Variants in ACVR1C observed in about 807,000 individuals in gnomAD.
ACVR1C encodes activin A receptor type 1C.
In ACVR1C, 23 loss-of-function variants were observed where a neutral mutation model predicts 57.9. The observed-to-expected ratio is 0.40, with a 90% CI of 0.29 to 0.56. The LOEUF (loss-of-function observed/expected upper bound fraction) is 0.56, where lower values mean the gene tolerates loss of function less well. Among genes scored for constraint, ACVR1C ranks in the 20% least tolerant of loss-of-function variants. ACVR1C has a pLI of 0.50. For synonymous variants in ACVR1C, 214 were observed against 215.3 expected (o/e 0.99, Z 0.05); for missense variants, 480 against 607.9 (o/e 0.79, Z 2.21).
At chr2:157,606,500 G>A (rs914391735) in intron 1 of ACVR1C, among the ~76,000 whole-genome samples, 1 of 151,810 alleles carries the variant, frequency 6.6e-6, no homozygotes, top group African/African-American at 2.4e-5. Context: ...CTTTCTAACT[G>A]GGATGAGATG....
rs1327256765 is a variant in ACVR1C at position 157,576,879 on chromosome 2, G to A, written c.304+10308C>T. ...TTTTTTTTTTTTGAGACGGAGTCTCGCTCTGTCGCCCAGGCCGGACTGCGG... is the reference window on the plus strand; with the variant it reads ...TTTTTTTTTTTTGAGACGGAGTCTCACTCTGTCGCCCAGGCCGGACTGCGG... On this transcript the variant is annotated intron_variant, in intron 2 of 8. Transcript: ENST00000243349. Among the ~76,000 whole-genome samples the A allele has an allele frequency of 6.7e-5, 2 of 29,736 alleles. 1 individual carries two copies. Among genetic ancestry groups the A allele is most frequent in the Non-Finnish European group, 1.2e-4 (2 of 16,586 alleles). 19.5% of individuals were successfully genotyped at this position (29,736 alleles called of 152,430 possible).
At chr2:157,541,672 C>G (rs1479013888) in intron 6 of ACVR1C, among the ~76,000 whole-genome samples, 1 of 152,116 alleles carries the variant, frequency 6.6e-6, no homozygotes. Flanking sequence ...TAAGGCTTTT[C>G]TTGTATAGGG....
At chr2:157,560,017 TTTTAA>T (rs974893122) in intron 2 of ACVR1C, among the ~76,000 whole-genome samples, 1 of 150,676 alleles carries the variant, frequency 6.6e-6, no homozygotes, top group Non-Finnish European at 1.5e-5. Flanking sequence ...AGGAAGGAAA[TTTTAA>T]TTTATCTTTG....
At chr2:157,616,496 T>C (rs58288813) in intron 1 of ACVR1C, among the ~76,000 whole-genome samples, 9,823 of 152,220 alleles carry the variant, frequency 0.065, 489 homozygotes, top group East Asian at 0.24. Context: ...TCATAGTTAT[T>C]TTAAATTCCT....
In ACVR1C at chr2:157,587,356, T is replaced by C; in HGVS notation, c.135A>G (p.Ala45=). ...SSNFTCQTEG[A]CWASVMLTNG... ...TGGTTAGCATGACTGATGCCCAACA[T>C]GCTCCTTCTGTTTGGCAGGTGAAGT... Residue 45 remains alanine (A), a synonymous_variant, in exon 2 of 9, where the codon GCA becomes GCG. Transcript: ENST00000243349. The C allele has an allele frequency of 6.2e-7, 1 of 1,613,662 alleles. No individual in the cohort carries two copies. Among genetic ancestry groups the C allele is most frequent in the Non-Finnish European group, 8.5e-7 (1 of 1,179,640 alleles).
intron 2 of ACVR1C, among the ~76,000 whole-genome samples, chr2:157,574,719 A>G (rs900004880): frequency 1.3e-5 from 2 of 152,338 alleles, no homozygotes; most frequent in East Asian, 1.9e-4. Flanking sequence ...TACAAATAAC[A>G]AAGGAAACCA....
At chr2:157,542,580 G>A in intron 6 of ACVR1C, 126 bp downstream of exon 6, 1 of 1,123,574 alleles carries the variant, frequency 8.9e-7, no homozygotes. Flanking sequence ...ACCCAGAGAA[G>A]ACTTCTGGAT....
chr2:157,585,496 G>A (rs970674844), intron 2 of ACVR1C, among the ~76,000 whole-genome samples: 1 of 152,116 alleles, frequency 6.6e-6, no homozygotes, highest in Non-Finnish European at 1.5e-5. Context: ...AGGTACGCTT[G>A]ATTTGCCCAA....
chr2:157,604,008 T>G (rs1682337754), intron 1 of ACVR1C, among the ~76,000 whole-genome samples: 1 of 152,088 alleles, frequency 6.6e-6, no homozygotes, highest in Admixed American at 6.6e-5. Context: ...GTTTAACTAT[T>G]GTTGTTATTC....
intron 1 of ACVR1C, among the ~76,000 whole-genome samples, chr2:157,611,572 T>C (rs1682534369): frequency 6.6e-6 from 1 of 152,084 alleles, no homozygotes; most frequent in Non-Finnish European, 1.5e-5. Flanking sequence ...ATAGGCTTGT[T>C]GTGGGCAATG....
chr2:157,620,102 A>G (rs1682735775), intron 1 of ACVR1C, among the ~76,000 whole-genome samples: 2 of 152,070 alleles, frequency 1.3e-5, no homozygotes, highest in East Asian at 1.9e-4. Context: ...TTCTCTCTAC[A>G]TAAGGGAATG....
chr2:157,613,595 A>C (rs1025593021), intron 1 of ACVR1C, among the ~76,000 whole-genome samples: 6 of 152,114 alleles, frequency 3.9e-5, no homozygotes, highest in Non-Finnish European at 8.8e-5. Context: ...GAGTGTTGTC[A>C]TCTGGTTTTA....
intron 1 of ACVR1C, among the ~76,000 whole-genome samples, chr2:157,625,479 G>C (rs910393128): frequency 4.6e-5 from 7 of 152,138 alleles, no homozygotes; most frequent in African/African-American, 1.7e-4. Context: ...GAAGGGCAAA[G>C]ATGGCAACAT....
chr2:157,566,796 C>T (rs1436444230), intron 2 of ACVR1C, among the ~76,000 whole-genome samples: 1 of 152,126 alleles, frequency 6.6e-6, no homozygotes, highest in African/African-American at 2.4e-5. Context: ...GGGCGCCCGC[C>T]ATTGCCCAGG....
intron 2 of ACVR1C, among the ~76,000 whole-genome samples, chr2:157,578,270 T>A (rs536145851): frequency 2.6e-5 from 4 of 152,300 alleles, no homozygotes; most frequent in African/African-American, 9.6e-5. Flanking sequence ...AGAAAGAATA[T>A]ACTTACATTC....
intron 3 of ACVR1C, among the ~76,000 whole-genome samples, chr2:157,551,781 C>A (rs916696034): frequency 6.6e-6 from 1 of 152,140 alleles, no homozygotes; most frequent in Non-Finnish European, 1.5e-5. Context: ...ATAGCAATGA[C>A]CCTGTCTTGC....
At chr2:157,610,899 G>A (rs1331309338) in intron 1 of ACVR1C, among the ~76,000 whole-genome samples, 1 of 151,502 alleles carries the variant, frequency 6.6e-6, no homozygotes, top group Non-Finnish European at 1.5e-5. Flanking sequence ...TTATATCTTT[G>A]GTAAATTTCT....
intron 7 of ACVR1C, among the ~76,000 whole-genome samples, chr2:157,540,138 A>G (rs1296977149): frequency 6.6e-6 from 1 of 152,208 alleles, no homozygotes; most frequent in Non-Finnish European, 1.5e-5. Context: ...TTTTTGTATT[A>G]TCTTCATTTT....
At chr2:157,573,496 A>T (rs1201746227) in intron 2 of ACVR1C, among the ~76,000 whole-genome samples, 1 of 152,140 alleles carries the variant, frequency 6.6e-6, no homozygotes, top group East Asian at 1.9e-4. Flanking sequence ...TAAGCACTGT[A>T]TGTTTTGGTA....
Sources: gnomAD v4.1 joint callset for allele counts (sites outside exome capture counted in the v4.1 genomes callset) on GRCh38, gnomAD v4.1.1 for gene constraint, MANE v1.5 for transcripts, NCBI Gene and HGNC (gene_info 2026-07-23, HGNC 2026-07-21) for gene names.